The following PCDHA10 variants were observed in gnomAD, a reference collection of about 807,000 sequenced individuals.
The protein encoded by PCDHA10 is protocadherin alpha-10.
In PCDHA10, 45 loss-of-function variants were observed where a neutral mutation model predicts 61.2. The observed-to-expected ratio is 0.74, with a 90% CI of 0.58 to 0.94. The LOEUF (loss-of-function observed/expected upper bound fraction) is 0.94. Ranked by LOEUF, PCDHA10 falls within the 40% of genes least tolerant of loss-of-function variation. The pLI, the probability that PCDHA10 is intolerant of heterozygous loss-of-function variation, is 0.00. For missense variants in PCDHA10, 1,278 were observed against 1,236.2 expected (o/e 1.03, Z -0.51); for synonymous variants, 602 against 548.8 (o/e 1.10, Z -1.35).
chr5:140,871,015 G>T (rs1554164977), intron 1 of PCDHA10: 4 of 1,613,124 alleles, frequency 2.5e-6, no homozygotes, highest in East Asian at 4.5e-5. Flanking sequence ...TGCCCTGGAC[G>T]AGGCAGACTC....
chr5:140,875,125 A>T (rs1158150211), intron 1 of PCDHA10, among the ~76,000 whole-genome samples: 2 of 152,240 alleles, frequency 1.3e-5, no homozygotes, highest in Non-Finnish European at 2.9e-5. Flanking sequence ...TATATTAACT[A>T]AACCCGCATT....
chr5:140,955,324 T>G (rs1358791050), intron 1 of PCDHA10, among the ~76,000 whole-genome samples: 8 of 152,186 alleles, frequency 5.3e-5, no homozygotes, highest in Non-Finnish European at 8.8e-5. Flanking sequence ...CCTTGAATTG[T>G]AGTTCCCATA....
At chr5:140,884,143 G>T in intron 1 of PCDHA10, 1 of 1,613,438 alleles carries the variant, frequency 6.2e-7, no homozygotes. Flanking sequence ...TCCGCGTGGG[G>T]CTGTACACTG....
intron 1 of PCDHA10, chr5:140,877,239 C>T (rs2056959197): frequency 1.9e-6 from 3 of 1,613,668 alleles, no homozygotes; most frequent in Middle Eastern, 1.7e-4. Context: ...GTGCGGGCCA[C>T]GTGGTGGCGA....
chr5:140,892,477 A>G (rs2063535340), intron 1 of PCDHA10, among the ~76,000 whole-genome samples: 1 of 152,220 alleles, frequency 6.6e-6, no homozygotes, highest in South Asian at 2.1e-4. Context: ...TCAGTTTCCT[A>G]GCCAAACATG....
At chr5:140,882,584 C>G (rs1554174685) in intron 1 of PCDHA10, 5 of 1,614,238 alleles carry the variant, frequency 3.1e-6, no homozygotes, top group South Asian at 1.1e-5. Flanking sequence ...CAGCATCCAC[C>G]TGGAGGTGAT....
At chr5:140,924,697 C>A (rs1443260109) in intron 1 of PCDHA10, among the ~76,000 whole-genome samples, 5 of 151,946 alleles carry the variant, frequency 3.3e-5, no homozygotes, top group Admixed American at 2.6e-4. Context: ...GAGTTCGAGA[C>A]CAGCTTGTGC....
At chr5:140,949,167 T>C (rs2094348737) in intron 1 of PCDHA10, among the ~76,000 whole-genome samples, 1 of 151,798 alleles carries the variant, frequency 6.6e-6, no homozygotes, top group Admixed American at 6.6e-5. Flanking sequence ...AATTCTCTTT[T>C]GGTCAGAGAA....
intron 1 of PCDHA10, among the ~76,000 whole-genome samples, chr5:140,959,366 C>A (rs1257331462): frequency 1.3e-5 from 2 of 151,552 alleles, no homozygotes; most frequent in African/African-American, 4.8e-5. Flanking sequence ...TGAGTGAGAC[C>A]CTGTCTCAAA....
chr5:140,926,919 A>C (rs782148872), intron 1 of PCDHA10: 2 of 1,566,668 alleles, frequency 1.3e-6, no homozygotes, highest in South Asian at 2.4e-5. Flanking sequence ...TGGCAGTTTT[A>C]TGTTTGTGGG....
At chr5:140,869,669 T>A in intron 1 of PCDHA10, 1 of 1,613,476 alleles carries the variant, frequency 6.2e-7, no homozygotes, top group South Asian at 1.1e-5. Flanking sequence ...GGTAAGCAGA[T>A]TAAAAGACTG....
At chr5:140,877,816 GATT>G (rs2057354449) in intron 1 of PCDHA10, 1 of 1,609,196 alleles carries the variant, frequency 6.2e-7, no homozygotes, top group East Asian at 2.2e-5. Flanking sequence ...GTCTCGAGAA[GATT>G]GTTTAAATCC....
intron 1 of PCDHA10, chr5:140,871,085 CG>C: frequency 6.2e-7 from 1 of 1,613,246 alleles, no homozygotes. Context: ...CTGACGGCCA[CG>C]GCCACCGTGC....
In PCDHA10 at chr5:140,952,684, C is replaced by T. The variant is rs1165956619; in HGVS notation, c.2389-26265C>T. On this transcript the variant is annotated intron_variant, in intron 1 of 3. Coordinates refer to ENST00000307360, the MANE Select transcript of PCDHA10 (RefSeq NM_018901.4). The stretch of plus-strand genomic sequence containing the variant: ...AAAGTCACTTTCACATTTTCAGGAT[C>T]TTTATAGCAATATCCCACTCTCAGT... Among the ~76,000 whole-genome samples the T allele has an allele frequency of 2.0e-5, 3 of 152,308 alleles. No individual in the cohort carries two copies. The East Asian group carries it at 5.8e-4, about 29-fold the overall frequency.
chr5:140,889,108 T>C (rs553126619), intron 1 of PCDHA10, among the ~76,000 whole-genome samples: 3 of 151,936 alleles, frequency 2.0e-5, no homozygotes, highest in Admixed American at 1.3e-4. Context: ...TCATCTTTAT[T>C]CCAGGTGATA....
At chr5:140,933,659 C>G (rs552302723) in intron 1 of PCDHA10, among the ~76,000 whole-genome samples, 1 of 152,058 alleles carries the variant, frequency 6.6e-6, no homozygotes, top group East Asian at 1.9e-4. Context: ...TCCTGTCTCT[C>G]TCTCTGTCTC....
chr5:140,964,631 T>C (rs1415762552), intron 1 of PCDHA10, among the ~76,000 whole-genome samples: 1 of 152,074 alleles, frequency 6.6e-6, no homozygotes, highest in African/African-American at 2.4e-5. Flanking sequence ...ATAAGCCATT[T>C]ATTTTCAGAA....
chr5:140,954,354 C>T lies in PCDHA10; in HGVS notation c.2389-24595C>T, dbSNP rs982671490. ...TTCTGCCTCTAGATCTTTGAGGAAT[C>T]GCCACACAGTCTCCCACAATGAGTG... is the stretch of plus-strand genomic sequence containing the variant. On this transcript the variant is annotated intron_variant, in intron 1 of 3. Transcript: ENST00000307360. Among the ~76,000 whole-genome samples the T allele has an allele frequency of 3.3e-5, 5 of 152,286 alleles. No homozygotes were observed. The East Asian group carries it at 5.8e-4, about 18-fold the overall frequency.
At chr5:140,982,617 G>T in intron 3 of PCDHA10, 54 bp downstream of exon 3, 1 of 1,591,926 alleles carries the variant, frequency 6.3e-7, no homozygotes, top group South Asian at 1.1e-5. Context: ...GTGATCAGAT[G>T]ACCTACTTTT....
Sources: allele counts gnomAD v4.1 joint callset (sites outside exome capture counted in the v4.1 genomes callset), GRCh38; gene constraint gnomAD v4.1.1; transcripts MANE v1.5; gene names NCBI Gene and HGNC (gene_info 2026-07-23, HGNC 2026-07-21).